HSPG2: variants seen among roughly 807,000 people sequenced by gnomAD.
HSPG2 encodes the protein heparan sulfate proteoglycan 2.
A neutral mutation model predicts 526.6 loss-of-function variants in HSPG2; 278 were observed. That is an observed-to-expected ratio of 0.53 (90% confidence interval 0.48 to 0.58). The LOEUF (loss-of-function observed/expected upper bound fraction) is 0.58. Ranked by LOEUF, HSPG2 falls within the 20% of genes least tolerant of loss-of-function variation. HSPG2 has a pLI of 0.00. For missense variants in HSPG2, 5,354 were observed against 6,099.5 expected (o/e 0.88, Z 4.07); for synonymous variants, 2,465 against 2,555.4 (o/e 0.96, Z 1.07).
Position 21,824,275 on chromosome 1 carries a change from G to GGGA in HSPG2, c.12815+28_12815+30dup. ...GGGGTGGGGTGCTGGGACCAGGGAA[G>GGGA]GGAGAGGAAGGGCCAGGTGCCAGGA... On this transcript the variant is annotated intron_variant, in intron 94 of 96. Transcript: ENST00000374695. This position sits in a 1 kb window ranked among gnomAD's most constrained non-coding sequence, Gnocchi z 5.9. 6.2e-7 allele frequency: 1 copy of GGGA among 1,613,354 alleles called. No homozygotes were observed. The highest frequency in any genetic ancestry group is 8.5e-7 in the Non-Finnish European group (1 of 1,179,484).
chr1:21,872,396 G>C lies in HSPG2; in HGVS notation c.4030-19C>G, dbSNP rs755991716. Reference sequence around the variant, plus strand: ...TGGAGATCTGGCAGGGGAAAAAGGAGGGGGCGTCAGCCTGAGCACCGGGGT... The same window carrying C: ...TGGAGATCTGGCAGGGGAAAAAGGACGGGGCGTCAGCCTGAGCACCGGGGT... On this transcript the variant is annotated intron_variant, in intron 32 of 96. Transcript: ENST00000374695. This position sits in a 1 kb window ranked among gnomAD's most constrained non-coding sequence, Gnocchi z 5.5. 3.9e-6 allele frequency: 6 copies of C among 1,550,860 alleles called. No individual in the cohort carries two copies. In the East Asian group the frequency reaches 9.6e-5, roughly 25 times the overall value.
Position 21,828,354 on chromosome 1 carries a change from C to G in HSPG2, c.12310G>C (p.Asp4104His). Residue 4104 changes from aspartate (D) to histidine (H), a missense_variant, in exon 89 of 97, where the codon GAT becomes CAT. Coordinates refer to ENST00000374695, the MANE Select transcript of HSPG2 (RefSeq NM_005529.7). The surrounding 1 kb of genome is among the most constrained non-coding windows in gnomAD (Gnocchi z 6.0). ...LGSQGIGQCY[D>H]SSPCERQPCQ... ...GGCTGGCGCTCACATGGGGAGCTAT[C>G]ATAGCATTGCCCGATGCCCTGGCTG... is the stretch of plus-strand genomic sequence containing the variant. 1 of 1,613,772 alleles carries G rather than the reference C, an allele frequency of 6.2e-7. No homozygotes were observed. The highest frequency in any genetic ancestry group is 1.3e-5 in the African/African-American group (1 of 75,040).
intron 3 of HSPG2, among the ~76,000 whole-genome samples, chr1:21,894,010 G>A (rs557257112): frequency 1.3e-5 from 2 of 152,200 alleles, no homozygotes; most frequent in South Asian, 2.1e-4. Context: ...CTCAAGGAGT[G>A]GGGAAGAGGG....
At chr1:21,889,453 A>G (rs1642187258) in intron 6 of HSPG2, among the ~76,000 whole-genome samples, 1 of 152,174 alleles carries the variant, frequency 6.6e-6, no homozygotes, top group Non-Finnish European at 1.5e-5. Context: ...CTGTCATCAC[A>G]GGTTCTGGCA....
Position 21,884,983 on chromosome 1 carries a change from C to A in HSPG2, c.1355+30G>T, listed in dbSNP as rs764419640. 2.5e-6 allele frequency: 4 copies of A among 1,613,890 alleles called. No individual in the cohort carries two copies. In the East Asian group the frequency reaches 8.9e-5, roughly 36 times the overall value. On this transcript the variant is annotated intron_variant, in intron 11 of 96. Coordinates refer to ENST00000374695, the MANE Select transcript of HSPG2 (RefSeq NM_005529.7). Reference sequence around the variant, plus strand: ...GCTCTGGACCAGCTGCCCCTCATTCCCACCCCACCACCTGGGCCCAGAGCC... The same window carrying A: ...GCTCTGGACCAGCTGCCCCTCATTCACACCCCACCACCTGGGCCCAGAGCC...
intron 33 of HSPG2, among the ~76,000 whole-genome samples, chr1:21,866,709 C>A (rs12407706): frequency 0.23 from 34,986 of 152,114 alleles, 4,812 homozygotes; most frequent in East Asian, 0.54. Flanking sequence ...AGCTGAGGCT[C>A]CCCAGCTCTG....
chr1:21,857,501 C>T (rs1639434664), intron 42 of HSPG2, 116 bp from the exon 43 acceptor site: 1 of 921,334 alleles, frequency 1.1e-6, no homozygotes, highest in South Asian at 1.4e-5. Flanking sequence ...CAGCCTAGCT[C>T]TCATTCTACC....
At position 21,878,642 on chromosome 1, in the gene HSPG2, C is replaced by T. The variant is rs530968528; in HGVS notation, c.2493G>A (p.Leu831=). ...CACATGTGGCTTGGCCATCCGTGTCCAGGAAGCAAGTGTCTGAGAATCTGC... is the reference window on the plus strand; with the variant it reads ...CACATGTGGCTTGGCCATCCGTGTCTAGGAAGCAAGTGTCTGAGAATCTGC... ...ASRRFSDTCF[L]DTDGQATCDA... The change falls in exon 19 of 97, where the codon CTG becomes CTA. Residue 831 remains leucine, a synonymous_variant. Transcript: ENST00000374695. 3.7e-6 allele frequency: 6 copies of T among 1,614,160 alleles called. No homozygotes were observed. Among genetic ancestry groups the T allele is most frequent in the African/African-American group, 1.3e-5 (1 of 75,044 alleles).
chr1:21,835,486 C>T, intron 76 of HSPG2, 54 bp downstream of exon 76: 7 of 1,189,188 alleles, frequency 5.9e-6, no homozygotes, highest in Non-Finnish European at 8.8e-6. Context: ...TGCCTCTCTG[C>T]CTTTCTCATC....
chr1:21,866,574 G>A (rs1416721456), intron 33 of HSPG2, among the ~76,000 whole-genome samples: 1 of 152,220 alleles, frequency 6.6e-6, no homozygotes, highest in Non-Finnish European at 1.5e-5. Context: ...CACCATACAT[G>A]CTTAGACTCT....
At chr1:21,886,801 G>A (rs1296754219) in intron 9 of HSPG2, among the ~76,000 whole-genome samples, 1 of 152,004 alleles carries the variant, frequency 6.6e-6, no homozygotes, top group Middle Eastern at 3.2e-3. Context: ...CAGATGGGTG[G>A]GTAAGGCTCT....
Position 21,831,281 on chromosome 1 carries a change from G to A in HSPG2, c.11496C>T (p.Phe3832=), listed in dbSNP as rs536882233. The A allele has an allele frequency of 4.5e-5, 73 of 1,614,092 alleles. No homozygotes were observed. The Admixed American group carries it at 9.5e-4, about 21-fold the overall frequency. ...ELRIQGEEIV[F]HDLNLTAHGI... Reference sequence around the variant, plus strand: ...CGTGCGCCGTGAGGTTGAGGTCATGGAAGACGATCTCCTCGCCCTGGATGC... The same window carrying A: ...CGTGCGCCGTGAGGTTGAGGTCATGAAAGACGATCTCCTCGCCCTGGATGC... The change falls in exon 84 of 97, where the codon TTC becomes TTT. Residue 3832 remains phenylalanine (F), a synonymous_variant. Transcript: ENST00000374695.
chr1:21,878,382 C>T (rs1447656134), intron 20 of HSPG2, 51 bp downstream of exon 20: 2 of 1,585,766 alleles, frequency 1.3e-6, no homozygotes, highest in Non-Finnish European at 8.6e-7. Context: ...GGTGTGCAGC[C>T]CAGGTTGGGT....
At position 21,872,241 on chromosome 1, in the gene HSPG2, T is replaced by C. The variant is rs150950634; in HGVS notation, c.4166A>G (p.Gln1389Arg). 3 of 1,552,892 alleles carry C rather than the reference T, an allele frequency of 1.9e-6. No individual in the cohort carries two copies. Among genetic ancestry groups the C allele is most frequent in the African/African-American group, 2.7e-5 (2 of 73,276 alleles). Residue 1389 changes from glutamine (Q) to arginine (R), a missense_variant, in exon 33 of 97, where the codon CAA (glutamine) becomes CGA (arginine). Gln to Arg is a conservative substitution (Grantham distance 43). Transcript: ENST00000374695. The surrounding 1 kb of genome is among the most constrained non-coding windows in gnomAD (Gnocchi z 5.5). ...CCAGTAGAAGGACTCATGGCCGAGT[T>C]GGGCAAAGTTGCCAAAAGAGAGCTG... ...GAQLSFGNFAQLGHESFYWQL... is the reference protein window; with the variant it reads ...GAQLSFGNFARLGHESFYWQL...
rs1394463246 is a variant in HSPG2, at chr1:21,864,857, C to T, written c.4612G>A (p.Gly1538Ser). Reference protein sequence around the residue: ...EECRCPPGYIGLSCQDCAPGY... With the variant: ...EECRCPPGYISLSCQDCAPGY... ...CACACACTCACCTGGCAGGACAGAC[C>T]GATGTAGCCTGGCGGGCAGCGGCAC... is the stretch of plus-strand genomic sequence containing the variant. Residue 1538 changes from glycine (G) to serine (S), a missense_variant, in exon 36 of 97, where the codon GGT (glycine) becomes AGT (serine). Transcript: ENST00000374695. The surrounding 1 kb of genome is among the most constrained non-coding windows in gnomAD (Gnocchi z 4.8). 21 of 1,609,948 alleles carry T rather than the reference C, an allele frequency of 1.3e-5. No homozygotes were observed. Among genetic ancestry groups the T allele is most frequent in the Middle Eastern group, 1.6e-4 (1 of 6,080 alleles).
In HSPG2 at chr1:21,885,173, C is replaced by A; in HGVS notation, c.1211-16G>T. Reference sequence around the variant, plus strand: ...TGGGGGGGCACTGAGGAGACCAGGGCAGGAGTGAGGGGTCGGGGGCAAAGG... The same window carrying A: ...TGGGGGGGCACTGAGGAGACCAGGGAAGGAGTGAGGGGTCGGGGGCAAAGG... On this transcript the variant is annotated splice_polypyrimidine_tract_variant and intron_variant, in intron 10 of 96. Transcript: ENST00000374695. 1 of 1,604,240 alleles carries A rather than the reference C, an allele frequency of 6.2e-7. No individual in the cohort carries two copies. Among genetic ancestry groups the A allele is most frequent in the Non-Finnish European group, 8.5e-7 (1 of 1,174,484 alleles).
chr1:21,864,817 G>A lies in HSPG2; in HGVS notation c.4626+26C>T. On this transcript the variant is annotated intron_variant, in intron 36 of 96. Coordinates refer to ENST00000374695, the MANE Select transcript of HSPG2 (RefSeq NM_005529.7). This position sits in a 1 kb window ranked among gnomAD's most constrained non-coding sequence, Gnocchi z 4.8. ...GCTGATGCCTCTGTGCCTGTGCAGA[G>A]GTGGTGGAGCTGGCCACACACTCAC... The A allele has an allele frequency of 6.3e-7, 1 of 1,577,452 alleles. No individual in the cohort carries two copies.
chr1:21,874,091 A>C (rs1271686354), intron 28 of HSPG2, 80 bp from the exon 29 acceptor site: 4 of 1,271,208 alleles, frequency 3.1e-6, no homozygotes, highest in East Asian at 5.0e-5. Flanking sequence ...ACCAGGGGAG[A>C]GGGGAGGGGA....
At chr1:21,874,782 G>A (rs1415837695) in intron 26 of HSPG2, 53 bp from the exon 27 acceptor site, 3 of 1,527,142 alleles carry the variant, frequency 2.0e-6, no homozygotes, top group South Asian at 1.2e-5. Context: ...GCCCATTCAG[G>A]TAGGGGCACT....
Sources: gnomAD v4.1 joint callset for allele counts (sites outside exome capture counted in the v4.1 genomes callset) on GRCh38, gnomAD v4.1.1 for gene constraint, Gnocchi (gnomAD v3.1) non-coding constraint, MANE v1.5 for transcripts, NCBI Gene and HGNC (gene_info 2026-07-23, HGNC 2026-07-21) for gene names.